Variants in SIPA1L3 observed in about 807,000 individuals in gnomAD.
The protein encoded by SIPA1L3 is signal induced proliferation associated 1 like 3.
In SIPA1L3, 59 loss-of-function variants were observed where a neutral mutation model predicts 150.1. The observed-to-expected ratio is 0.39, with a 90% CI of 0.32 to 0.49. SIPA1L3 has a LOEUF of 0.49. Among genes scored for constraint, SIPA1L3 ranks in the 20% least tolerant of loss-of-function variants. The pLI, the probability that SIPA1L3 is intolerant of heterozygous loss-of-function variation, is 0.86. For missense variants in SIPA1L3, 2,211 were observed against 2,489.5 expected (o/e 0.89, Z 2.38); for synonymous variants, 1,070 against 1,077.6 (o/e 0.99, Z 0.14).
At chr19:38,056,521 G>A (rs927987164) in intron 2 of SIPA1L3, among the ~76,000 whole-genome samples, 3 of 152,026 alleles carry the variant, frequency 2.0e-5, no homozygotes, top group Non-Finnish European at 4.4e-5. Flanking sequence ...CCCATCCTTC[G>A]TCAGTTTACC....
At chr19:38,071,241 C>G (rs1241622196) in intron 2 of SIPA1L3, among the ~76,000 whole-genome samples, 1 of 151,824 alleles carries the variant, frequency 6.6e-6, no homozygotes, top group Non-Finnish European at 1.5e-5. Flanking sequence ...ATCTATCTAT[C>G]TATCTATCTA....
intron 1 of SIPA1L3, among the ~76,000 whole-genome samples, chr19:37,953,531 C>T (rs1568477255): frequency 9.5e-6 from 1 of 105,466 alleles, no homozygotes; most frequent in African/African-American, 5.1e-5. Context: ...ATGCATTCCT[C>T]ATGTGTGTGT....
chr19:38,042,892 C>T (rs920216861), intron 2 of SIPA1L3, among the ~76,000 whole-genome samples: 2 of 152,138 alleles, frequency 1.3e-5, no homozygotes, highest in African/African-American at 2.4e-5. Flanking sequence ...GTAAAGATGG[C>T]CTTTGGAATG....
At chr19:37,997,197 A>T (rs1448473932) in intron 1 of SIPA1L3, among the ~76,000 whole-genome samples, 2 of 152,132 alleles carry the variant, frequency 1.3e-5, no homozygotes, top group Admixed American at 1.3e-4. Context: ...GAAAAGTGGG[A>T]CTAATACAAT....
chr19:38,012,089 CTTTT>C (rs59957165), intron 1 of SIPA1L3, among the ~76,000 whole-genome samples: 1 of 140,600 alleles, frequency 7.1e-6, no homozygotes. Context: ...TGGGCTGTGT[CTTTT>C]TTTTTTTTTT....
chr19:38,148,415 G>T (rs1381628392), intron 12 of SIPA1L3, among the ~76,000 whole-genome samples: 1 of 151,894 alleles, frequency 6.6e-6, no homozygotes, highest in Non-Finnish European at 1.5e-5. Context: ...CCCTGGCAAG[G>T]TCACATTGCA....
chr19:38,048,999 T>C (rs1725458), intron 2 of SIPA1L3, among the ~76,000 whole-genome samples: 25,340 of 151,686 alleles, frequency 0.17, 2,219 homozygotes, highest in African/African-American at 0.2. Flanking sequence ...GGAGAATCGC[T>C]TGAACCCAGG....
At chr19:38,065,987 CTTA>C in intron 2 of SIPA1L3, among the ~76,000 whole-genome samples, 1 of 121,356 alleles carries the variant, frequency 8.2e-6, no homozygotes, top group South Asian at 2.6e-4. Flanking sequence ...GGCTTGATCT[CTTA>C]TTTATTTATT....
In SIPA1L3 at chr19:38,142,622, G is replaced by A. The variant is rs1188368375; in HGVS notation, c.3445G>A (p.Asp1149Asn). ...TPYTVSPAGA[D>N]RVPPYRQPSG... ...TTACACAGTATCACCAGCAGGGGCC[G>A]ACAGAGTCCCTCCCTACCGACAGCC... The change falls in exon 12 of 22, where the codon GAC becomes AAC. Residue 1149 changes from aspartate to asparagine, a missense_variant. Physicochemically the swap from Asp to Asn is conservative, Grantham distance 23 (BLOSUM62 1). This residue lies in a region of SIPA1L3 where 806 missense variants were observed against 870.1 expected (regional missense o/e 0.93). Coordinates refer to ENST00000222345, the MANE Select transcript of SIPA1L3 (RefSeq NM_015073.3). 5 of 1,613,960 alleles carry A rather than the reference G, an allele frequency of 3.1e-6. No individual in the cohort carries two copies. The highest frequency in any genetic ancestry group is 4.2e-6 in the Non-Finnish European group (5 of 1,179,924).
At position 38,186,611 on chromosome 19, in the gene SIPA1L3, T is replaced by C. The variant is rs551622154; in HGVS notation, c.4430+3871T>C. ...TCAGGCAATCCGCCCCCCCTTGGCC[T>C]CCCAAAGTGCTGGGATTACAGTTGT... On this transcript the variant is annotated intron_variant, in intron 16 of 21. Coordinates refer to ENST00000222345, the MANE Select transcript of SIPA1L3 (RefSeq NM_015073.3). 1.3e-3 allele frequency among the ~76,000 whole-genome samples: 201 copies of C among 149,794 alleles called. 3 individuals are homozygous for C. The highest frequency in any genetic ancestry group is 4.6e-3 in the African/African-American group (189 of 40,944).
intron 4 of SIPA1L3, among the ~76,000 whole-genome samples, chr19:38,098,592 G>A (rs1349313877): frequency 1.3e-5 from 2 of 151,976 alleles, no homozygotes; most frequent in South Asian, 2.1e-4. Flanking sequence ...ACAGGGTTTT[G>A]CCATGTTGGC....
At chr19:38,093,538 G>A (rs1426981926) in intron 4 of SIPA1L3, among the ~76,000 whole-genome samples, 2 of 152,220 alleles carry the variant, frequency 1.3e-5, no homozygotes, top group African/African-American at 2.4e-5. Flanking sequence ...CACCACTGTT[G>A]CAGCCGATGT....
At position 37,934,533 on chromosome 19, in the gene SIPA1L3, A is replaced by G. The variant is rs79793176; in HGVS notation, c.-379+27175A>G. Reference sequence around the variant, plus strand: ...TAATAGATGATTAAACGAGAAGTCAAAGTGAGATCAGGTGACTCAGTGCTG... The same window carrying G: ...TAATAGATGATTAAACGAGAAGTCAGAGTGAGATCAGGTGACTCAGTGCTG... On this transcript the variant is annotated intron_variant, in intron 1 of 21. Coordinates refer to ENST00000222345, the MANE Select transcript of SIPA1L3 (RefSeq NM_015073.3). Among the ~76,000 whole-genome samples the G allele has an allele frequency of 7.0e-3, 1,073 of 152,338 alleles. 35 individuals are homozygous for G. Among genetic ancestry groups the G allele is most frequent in the East Asian group, 0.069 (357 of 5,192 alleles).
intron 2 of SIPA1L3, among the ~76,000 whole-genome samples, chr19:38,030,599 T>G (rs1968625444): frequency 8.1e-6 from 1 of 123,920 alleles, no homozygotes; most frequent in East Asian, 2.2e-4. Context: ...TATTTACACA[T>G]ATTTTATATA....
intron 1 of SIPA1L3, among the ~76,000 whole-genome samples, chr19:38,027,244 C>T (rs1019597405): frequency 2.6e-5 from 4 of 152,012 alleles, no homozygotes; most frequent in African/African-American, 9.7e-5. Flanking sequence ...GCCAAGATGG[C>T]GCCACTGTAC....
At chr19:38,195,801 C>A (rs558076799) in intron 18 of SIPA1L3, among the ~76,000 whole-genome samples, 1 of 102,600 alleles carries the variant, frequency 9.7e-6, no homozygotes, top group Non-Finnish European at 2.0e-5. Flanking sequence ...CGTCCCCCCC[C>A]GCCCCCCCGG....
At chr19:38,056,724 T>C (rs1179904620) in intron 2 of SIPA1L3, among the ~76,000 whole-genome samples, 1 of 152,206 alleles carries the variant, frequency 6.6e-6, no homozygotes, top group Non-Finnish European at 1.5e-5. Context: ...TTGTTTGGTT[T>C]TTTTTCCCCC....
rs1973264616 is a variant in SIPA1L3 at position 38,208,021 on chromosome 19, C to A, written c.*1781C>A. ...CCCCCACCCCCACCCCTTAGACCCT[C>A]ATCGGGTCCCTTTTTTTTTTTTTTT... On this transcript the variant is annotated 3_prime_UTR_variant, in exon 22 of 22. Coordinates refer to ENST00000222345, the MANE Select transcript of SIPA1L3 (RefSeq NM_015073.3). 2 of 144,378 alleles carry A rather than the reference C, an allele frequency of 1.4e-5. No individual in the cohort carries two copies. Among genetic ancestry groups the A allele is most frequent in the Non-Finnish European group, 1.5e-5 (1 of 65,652 alleles). The allele number at this position is 144,378 out of a possible 1,614,324, so 8.9% of individuals were successfully genotyped here.
intron 13 of SIPA1L3, among the ~76,000 whole-genome samples, chr19:38,154,692 C>T (rs924874631): frequency 3.3e-5 from 5 of 152,040 alleles, no homozygotes; most frequent in Non-Finnish European, 7.4e-5. Context: ...GTGATCCACC[C>T]GCCTCAGCCT....
Sources: gnomAD v4.1 joint callset for allele counts (sites outside exome capture counted in the v4.1 genomes callset) on GRCh38, gnomAD v4.1.1 for gene constraint, gnomAD v4.1.1 regional missense constraint, MANE v1.5 for transcripts, NCBI Gene and HGNC (gene_info 2026-07-23, HGNC 2026-07-21) for gene names.